PARPBP: variants seen among roughly 807,000 people sequenced by gnomAD.
The protein encoded by PARPBP is PARP1 binding protein, also known as PCNA-interacting partner.
PARPBP carries 52 observed loss-of-function variants against 50.0 expected under a neutral mutation model. The observed-to-expected ratio is 1.04, with a 90% CI of 0.83 to 1.31. The LOEUF (loss-of-function observed/expected upper bound fraction) is 1.31. Ranked by LOEUF, PARPBP falls within the 50% of genes most tolerant of loss-of-function variation. PARPBP has a pLI of 0.00. For synonymous variants in PARPBP, 244 were observed against 232.1 expected, an observed-to-expected ratio of 1.05 and a Z score of -0.47; for missense variants, 697 against 672.0, an observed-to-expected ratio of 1.04 and a Z score of -0.41.
intron 6 of PARPBP, among the ~76,000 whole-genome samples, chr12:102,172,617 G>T (rs1192625934): frequency 6.6e-6 from 1 of 152,170 alleles, no homozygotes; most frequent in Non-Finnish European, 1.5e-5. Flanking sequence ...ACCTTGGCAA[G>T]TCTCTGAAAT....
At position 102,196,030 on chromosome 12, in the gene PARPBP, A is replaced by C. The variant is rs772754671; in HGVS notation, c.1479A>C (p.Glu493Asp). 4 of 1,611,436 alleles carry C rather than the reference A, an allele frequency of 2.5e-6. No homozygotes were observed. In the East Asian group the frequency reaches 8.9e-5, roughly 36 times the overall value. Reference protein sequence around the residue: ...GNVHLDRSKNEKVSRKSTSQT... With the variant: ...GNVHLDRSKNDKVSRKSTSQT... ...TTCATCTGGACAGAAGTAAAAATGAAAAAGTATCAAGAAAATCAACCAGTC... is the reference window on the plus strand; with the variant it reads ...TTCATCTGGACAGAAGTAAAAATGACAAAGTATCAAGAAAATCAACCAGTC... The change falls in exon 11 of 11, where the codon GAA (glutamate) becomes GAC (aspartate). Residue 493 changes from glutamate (E) to aspartate (D), a missense_variant. By Grantham distance (45) the Glu-to-Asp change is conservative. Transcript: ENST00000327680.
rs1159259044 is a variant in PARPBP, at chr12:102,120,221, G to A, written c.-69G>A. The A allele has an allele frequency of 4.1e-5, 9 of 222,112 alleles. No homozygotes were observed. The highest frequency in any genetic ancestry group is 2.9e-4 in the East Asian group (2 of 6,840). 13.8% of individuals were successfully genotyped at this position (222,112 alleles called of 1,614,324 possible). A position where few individuals can be genotyped will look rare whatever the true frequency, so the allele number is the denominator to read the frequency against. On this transcript the variant is annotated 5_prime_UTR_variant, in exon 1 of 11. Coordinates refer to ENST00000327680, the MANE Select transcript of PARPBP (RefSeq NM_017915.5). ...ACAGCGGCGACTGCGGCGGCCGCGG[G>A]AGGGCATCCCGTTGGGGATCCTTCC...
chr12:102,175,443 T>G, intron 6 of PARPBP, 40 bp from the exon 7 acceptor site: 1 of 1,349,920 alleles, frequency 7.4e-7, no homozygotes, highest in Non-Finnish European at 1.0e-6. Context: ...TATTATAATT[T>G]GCAATACTGC....
intron 9 of PARPBP, among the ~76,000 whole-genome samples, chr12:102,194,115 T>A (rs959346097): frequency 4.6e-5 from 7 of 152,000 alleles, no homozygotes; most frequent in African/African-American, 1.7e-4. Flanking sequence ...ATTCTAACTT[T>A]TTCTAAGTCA....
chr12:102,150,576 C>T (rs1005835024), intron 3 of PARPBP, among the ~76,000 whole-genome samples: 2 of 152,166 alleles, frequency 1.3e-5, no homozygotes, highest in Non-Finnish European at 2.9e-5. Flanking sequence ...CTTACGATTC[C>T]TCTCCTAAGG....
At chr12:102,133,182 G>A (rs988774018) in intron 2 of PARPBP, among the ~76,000 whole-genome samples, 1 of 152,036 alleles carries the variant, frequency 6.6e-6, no homozygotes, top group Non-Finnish European at 1.5e-5. Flanking sequence ...CTAGTACTAT[G>A]TTGAATAGAA....
chr12:102,154,797 T>C (rs1460290047), intron 4 of PARPBP: 4 of 451,542 alleles, frequency 8.9e-6, no homozygotes, highest in Non-Finnish European at 1.3e-5. Context: ...TTGTAAAGGA[T>C]ATCAATTAAC....
At chr12:102,158,626 T>C (rs892977321) in intron 4 of PARPBP, among the ~76,000 whole-genome samples, 10 of 152,164 alleles carry the variant, frequency 6.6e-5, no homozygotes, top group Admixed American at 5.9e-4. Flanking sequence ...TTACATTTCC[T>C]TTCTTTTCCC....
chr12:102,139,443 C>T (rs1175042261), intron 2 of PARPBP, among the ~76,000 whole-genome samples: 3 of 152,192 alleles, frequency 2.0e-5, no homozygotes, highest in Non-Finnish European at 4.4e-5. Context: ...GACAATTTGA[C>T]TTCTTCTTTT....
chr12:102,173,709 C>T (rs1344552702), intron 6 of PARPBP, among the ~76,000 whole-genome samples: 1 of 151,792 alleles, frequency 6.6e-6, no homozygotes, highest in African/African-American at 2.4e-5. Flanking sequence ...CCCTGCTTGT[C>T]CTCTTCCACC....
chr12:102,189,612 TAAATAGG>T (rs1890614659), intron 9 of PARPBP, among the ~76,000 whole-genome samples: 1 of 152,168 alleles, frequency 6.6e-6, no homozygotes, highest in Admixed American at 6.6e-5. Context: ...GAGATGAGAA[TAAATAGG>T]ATTTGAATAG....
intron 2 of PARPBP, among the ~76,000 whole-genome samples, chr12:102,129,966 G>A (rs1192204942): frequency 2.6e-5 from 4 of 152,132 alleles, no homozygotes; most frequent in Non-Finnish European, 5.9e-5. Context: ...GAAAGCAGGT[G>A]GTATCATGCT....
At chr12:102,178,837 C>A in intron 8 of PARPBP, 67 bp downstream of exon 8, 3 of 1,041,464 alleles carry the variant, frequency 2.9e-6, no homozygotes, top group Admixed American at 2.8e-5. Context: ...GAAATGTATG[C>A]TTATGGTAGG....
chr12:102,123,500 T>G (rs1881478909), intron 1 of PARPBP, among the ~76,000 whole-genome samples: 1 of 146,666 alleles, frequency 6.8e-6, no homozygotes, highest in African/African-American at 2.6e-5. Flanking sequence ...CTTTTTAGGT[T>G]TTTTTTTTTT....
At chr12:102,146,586 A>G (rs1343857963) in intron 2 of PARPBP, among the ~76,000 whole-genome samples, 3 of 152,222 alleles carry the variant, frequency 2.0e-5, no homozygotes, top group African/African-American at 7.2e-5. Flanking sequence ...TTAAAGACTT[A>G]AACGTTAGAC....
chr12:102,146,719 G>T (rs1315302916), intron 2 of PARPBP, among the ~76,000 whole-genome samples: 1 of 152,082 alleles, frequency 6.6e-6, no homozygotes, highest in Non-Finnish European at 1.5e-5. Context: ...TGACAAATGG[G>T]ATCTAATTAA....
At chr12:102,184,110 A>T (rs1890097198) in intron 9 of PARPBP, among the ~76,000 whole-genome samples, 1 of 151,204 alleles carries the variant, frequency 6.6e-6, no homozygotes, top group African/African-American at 2.4e-5. Flanking sequence ...ACTGACAGTG[A>T]AGTACGTTAA....
Position 102,182,545 on chromosome 12 carries a change from A to G in PARPBP, c.1185-4A>G, listed in dbSNP as rs770348762. ...AATTTTTGCCTTTTTTTTTTTTGACATAGGTCTCCCACACAGGTGAATAAT... is the reference window on the plus strand; with the variant it reads ...AATTTTTGCCTTTTTTTTTTTTGACGTAGGTCTCCCACACAGGTGAATAAT... On this transcript the variant is annotated splice_region_variant and splice_polypyrimidine_tract_variant and intron_variant, in intron 8 of 10. Transcript: ENST00000327680. The G allele has an allele frequency of 3.1e-6, 5 of 1,591,726 alleles. No individual in the cohort carries two copies. Among genetic ancestry groups the G allele is most frequent in the Admixed American group, 3.5e-5 (2 of 57,160 alleles).
rs747267431 is a variant in PARPBP, at chr12:102,148,229, G to A, written c.154-1G>A. ...TTTTTTTTTGGCATTATCTTTTTCA[G>A]CACAGTGGAGAATTTACAGTCTCTC... On this transcript the variant is annotated splice_acceptor_variant, in intron 2 of 10. Coordinates refer to ENST00000327680, the MANE Select transcript of PARPBP (RefSeq NM_017915.5). LOFTEE classifies it high-confidence loss of function. 17 of 1,357,832 alleles carry A rather than the reference G, an allele frequency of 1.3e-5. No homozygotes were observed. In the East Asian group the frequency reaches 3.8e-4, roughly 31 times the overall value. 84.1% of individuals were successfully genotyped at this position (1,357,832 alleles called of 1,614,324 possible).
Sources: gnomAD v4.1 joint callset for allele counts (sites outside exome capture counted in the v4.1 genomes callset) on GRCh38, gnomAD v4.1.1 for gene constraint, MANE v1.5 for transcripts, NCBI Gene and HGNC (gene_info 2026-07-23, HGNC 2026-07-21) for gene names.